The following UBR4 variants were observed in gnomAD, a reference collection of about 807,000 sequenced individuals.
UBR4 encodes ubiquitin protein ligase E3 component n-recognin 4, also known as E3 ubiquitin-protein ligase UBR4.
UBR4 carries 124 observed loss-of-function variants against 575.6 expected under a neutral mutation model. The observed-to-expected ratio is 0.22, with a 90% CI of 0.19 to 0.25. The LOEUF (loss-of-function observed/expected upper bound fraction) is 0.25, where lower values mean the gene tolerates loss of function less well. Among genes scored for constraint, UBR4 ranks in the 10% least tolerant of loss-of-function variants. The pLI is 1.00. For missense variants in UBR4, 4,818 were observed against 6,478.8 expected (o/e 0.74, Z 8.80); for synonymous variants, 2,455 against 2,473.7 (o/e 0.99, Z 0.22).
Position 19,113,224 on chromosome 1 carries a change from A to G in UBR4, c.11458-357T>C, listed in dbSNP as rs535427603. ...AAGGTAAACTGGATGCTCTCCTTAT[A>G]TGAGGTACCTCTGTCTATGGCCAGC... is the stretch of plus-strand genomic sequence containing the variant. On this transcript the variant is annotated intron_variant, in intron 77 of 105. Coordinates refer to ENST00000375254, the MANE Select transcript of UBR4 (RefSeq NM_020765.3). 20 of 287,924 alleles carry G rather than the reference A, an allele frequency of 6.9e-5. No homozygotes were observed. The East Asian group carries it at 1.7e-3, about 24-fold the overall frequency. 17.8% of individuals were successfully genotyped at this position (287,924 alleles called of 1,614,324 possible).
At position 19,173,382 on chromosome 1, in the gene UBR4, C is replaced by T. The variant is rs973891015; in HGVS notation, c.3165+57G>A. 2.5e-6 allele frequency: 4 copies of T among 1,611,442 alleles called. No individual in the cohort carries two copies. In the Admixed American group the frequency reaches 6.7e-5, roughly 27 times the overall value. On this transcript the variant is annotated intron_variant, in intron 23 of 105. Coordinates refer to ENST00000375254, the MANE Select transcript of UBR4 (RefSeq NM_020765.3). The stretch of plus-strand genomic sequence containing the variant: ...TTCATTATCTTCAAATTTAAAAGCT[C>T]CAGTAAGCACAAAGCACTTTGGCTT...
rs2077733913 is a variant in UBR4 at position 19,093,581 on chromosome 1, G to C, written c.13938-95C>G. 11 of 1,363,754 alleles carry C rather than the reference G, an allele frequency of 8.1e-6. No individual in the cohort carries two copies. Among genetic ancestry groups the C allele is most frequent in the Non-Finnish European group, 1.1e-5 (11 of 992,246 alleles). 84.5% of individuals were successfully genotyped at this position (1,363,754 alleles called of 1,614,324 possible). On this transcript the variant is annotated intron_variant, in intron 95 of 105. Coordinates refer to ENST00000375254, the MANE Select transcript of UBR4 (RefSeq NM_020765.3). This position sits in a 1 kb window ranked among gnomAD's most constrained non-coding sequence, Gnocchi z 4.8. The stretch of plus-strand genomic sequence containing the variant: ...TAACAACTGTCAACAGCCTATAGAA[G>C]ATCAAGGCTAAATTCCCTAACGTGA...
chr1:19,086,538 GAC>G, intron 100 of UBR4, 139 bp downstream of exon 100: 1 of 1,282,990 alleles, frequency 7.8e-7, no homozygotes, highest in Non-Finnish European at 1.1e-6. Context: ...ACTGCTTGGG[GAC>G]CTATATGGTG....
Position 19,153,274 on chromosome 1 carries a change from C to T in UBR4, c.6832+27G>A, listed in dbSNP as rs550535024. Reference sequence around the variant, plus strand: ...TAGAAGACCACCATTCCTACTCCCCCACAAGTCATCTGAGAAGGAGCCTTA... The same window carrying T: ...TAGAAGACCACCATTCCTACTCCCCTACAAGTCATCTGAGAAGGAGCCTTA... On this transcript the variant is annotated intron_variant, in intron 46 of 105. Coordinates refer to ENST00000375254, the MANE Select transcript of UBR4 (RefSeq NM_020765.3). The surrounding 1 kb of genome is among the most constrained non-coding windows in gnomAD (Gnocchi z 4.1). 3 of 1,612,828 alleles carry T rather than the reference C, an allele frequency of 1.9e-6. No homozygotes were observed. The highest frequency in any genetic ancestry group is 2.5e-6 in the Non-Finnish European group (3 of 1,178,984).
chr1:19,158,339 C>A (rs1285544480), intron 39 of UBR4, among the ~76,000 whole-genome samples: 1 of 152,206 alleles, frequency 6.6e-6, no homozygotes, highest in African/African-American at 2.4e-5. Context: ...TATGGGCCCC[C>A]AACCCAAGTA....
rs769172132 is a variant in UBR4 at position 19,086,668 on chromosome 1, C to T, written c.14687+11G>A. 6.2e-7 allele frequency: 1 copy of T among 1,613,380 alleles called. No homozygotes were observed. Among genetic ancestry groups the T allele is most frequent in the Non-Finnish European group, 8.5e-7 (1 of 1,179,720 alleles). The stretch of plus-strand genomic sequence containing the variant: ...TACTGAAGGAGCCATTCCGCAAGAG[C>T]CAGGGCCTACCTGACGGCAGCCAGA... On this transcript the variant is annotated intron_variant, in intron 100 of 105. Transcript: ENST00000375254.
Position 19,139,067 on chromosome 1 carries a change from C to T in UBR4, c.8731+16G>A, listed in dbSNP as rs201548897. On this transcript the variant is annotated intron_variant, in intron 59 of 105. Coordinates refer to ENST00000375254, the MANE Select transcript of UBR4 (RefSeq NM_020765.3). This position sits in a 1 kb window ranked among gnomAD's most constrained non-coding sequence, Gnocchi z 4.2. The stretch of plus-strand genomic sequence containing the variant: ...CCTCTGCCCAAGGAGACAGGACCCC[C>T]GCCATGGCACATTACCACTGTGCTC... 48 of 1,600,344 alleles carry T rather than the reference C, an allele frequency of 3.0e-5. No homozygotes were observed. In the Admixed American group the frequency reaches 3.4e-4, roughly 11 times the overall value.
At chr1:19,156,237 C>T in intron 42 of UBR4, 34 bp downstream of exon 42, 1 of 1,607,750 alleles carries the variant, frequency 6.2e-7, no homozygotes, top group Non-Finnish European at 8.5e-7. Flanking sequence ...TAGAAAAATT[C>T]TAGGACCATA....
chr1:19,147,986 C>T lies in UBR4; in HGVS notation c.7629+7G>A, dbSNP rs112082204. The T allele has an allele frequency of 1.2e-6, 2 of 1,610,986 alleles. No homozygotes were observed. The highest frequency in any genetic ancestry group is 2.2e-5 in the East Asian group (1 of 44,824). Reference sequence around the variant, plus strand: ...CTGCAATTTCCTTTCCCTGAGAGAACAGTTACCTTGTGGCTGTGGTAGGCC... The same window carrying T: ...CTGCAATTTCCTTTCCCTGAGAGAATAGTTACCTTGTGGCTGTGGTAGGCC... On this transcript the variant is annotated splice_region_variant and intron_variant, in intron 51 of 105. Coordinates refer to ENST00000375254, the MANE Select transcript of UBR4 (RefSeq NM_020765.3).
At chr1:19,125,223 T>A (rs2081593085) in intron 64 of UBR4, among the ~76,000 whole-genome samples, 1 of 152,244 alleles carries the variant, frequency 6.6e-6, no homozygotes, top group Admixed American at 6.5e-5. Flanking sequence ...ACAGCTATCC[T>A]GCAAGCTGTG....
Position 19,162,556 on chromosome 1 carries a change from G to C in UBR4, c.4820C>G (p.Thr1607Arg), listed in dbSNP as rs772469970. ...CHIMSYLADV[T>R]NALSQSNGQG... Reference sequence around the variant, plus strand: ...ACCATTACTCTGGCTCAGGGCATTCGTGACATCAGCCAAGTAAGACATGAT... The same window carrying C: ...ACCATTACTCTGGCTCAGGGCATTCCTGACATCAGCCAAGTAAGACATGAT... The change falls in exon 35 of 106, where the codon ACG becomes AGG. Residue 1607 changes from threonine (T) to arginine (R), a missense_variant. Physicochemically the swap from Thr to Arg is moderately conservative, Grantham distance 71. This residue lies in a region of UBR4 where 1,172 missense variants were observed against 1,259.7 expected (regional missense o/e 0.93). Transcript: ENST00000375254. The C allele has an allele frequency of 1.2e-6, 2 of 1,614,078 alleles. No homozygotes were observed. The highest frequency in any genetic ancestry group is 1.1e-5 in the South Asian group (1 of 91,076).
At position 19,123,583 on chromosome 1, in the gene UBR4, A is replaced by G. The variant is rs556689750; in HGVS notation, c.9589-523T>C. On this transcript the variant is annotated intron_variant, in intron 65 of 105. Coordinates refer to ENST00000375254, the MANE Select transcript of UBR4 (RefSeq NM_020765.3). ...GAAAGAAAGGGAGAGAAAGAAATCA[A>G]AGAGGAAAATACCAATATTCATGCA... Among the ~76,000 whole-genome samples, 22 of 152,300 alleles carry G rather than the reference A, an allele frequency of 1.4e-4. 2 individuals are homozygous for G. The South Asian group carries it at 3.9e-3, about 27-fold the overall frequency.
At chr1:19,175,507 A>C (rs543704985) in intron 20 of UBR4, among the ~76,000 whole-genome samples, 2 of 152,328 alleles carry the variant, frequency 1.3e-5, no homozygotes, top group African/African-American at 4.8e-5. Context: ...AACATCTAAT[A>C]ATCCTCAGGG....
At chr1:19,085,181 C>T (rs568875773) in intron 101 of UBR4, among the ~76,000 whole-genome samples, 25 of 152,328 alleles carry the variant, frequency 1.6e-4, no homozygotes, top group Middle Eastern at 3.4e-3. Flanking sequence ...TGGGTGACCT[C>T]GAGCAAGTTG....
At chr1:19,087,059 G>A (rs552601068) in intron 99 of UBR4, among the ~76,000 whole-genome samples, 4 of 152,368 alleles carry the variant, frequency 2.6e-5, no homozygotes, top group East Asian at 1.9e-4. Context: ...AAGGGGATGC[G>A]GTGCAGATGC....
intron 32 of UBR4, among the ~76,000 whole-genome samples, 165 bp from the exon 33 acceptor site, chr1:19,164,606 C>T (rs551458546): frequency 2.0e-5 from 3 of 152,302 alleles, no homozygotes; most frequent in East Asian, 3.9e-4. Flanking sequence ...TTGTAACTGA[C>T]AGGCCAAGTC....
In UBR4 at chr1:19,116,213, G is replaced by C. The variant is rs191344241; in HGVS notation, c.10824-576C>G. On this transcript the variant is annotated intron_variant, in intron 73 of 105. Transcript: ENST00000375254. Reference sequence around the variant, plus strand: ...TAACTCATTTAATCCTTAAACCCTGGAAGTGGGGTCCTACCTCCATTTTAT... The same window carrying C: ...TAACTCATTTAATCCTTAAACCCTGCAAGTGGGGTCCTACCTCCATTTTAT... Among the ~76,000 whole-genome samples the C allele has an allele frequency of 2.0e-5, 3 of 152,306 alleles. No homozygotes were observed. The East Asian group carries it at 5.8e-4, about 29-fold the overall frequency.
chr1:19,193,512 G>A lies in UBR4; in HGVS notation c.1064C>T (p.Ala355Val), dbSNP rs1364360021. The change falls in exon 9 of 106, where the codon GCC (alanine) becomes GTC (valine). Residue 355 changes from alanine (A) to valine (V), a missense_variant. Coordinates refer to ENST00000375254, the MANE Select transcript of UBR4 (RefSeq NM_020765.3). ...CGTGGACCCTGTCCGCACTTGCTGG[G>A]CACTACCCACATGGAGGATGGCCAT... ...TCMAILHVGSAQQVRTGSTSS... is the reference protein window; with the variant it reads ...TCMAILHVGSVQQVRTGSTSS... The A allele has an allele frequency of 1.2e-5, 20 of 1,613,920 alleles. No individual in the cohort carries two copies. Among genetic ancestry groups the A allele is most frequent in the Non-Finnish European group, 1.6e-5 (19 of 1,180,008 alleles).
intron 66 of UBR4, 111 bp downstream of exon 66, chr1:19,122,722 C>A: frequency 8.3e-7 from 1 of 1,208,184 alleles, no homozygotes; most frequent in Non-Finnish European, 1.2e-6. Flanking sequence ...CTAACCATGC[C>A]ATTGTCAACA....
Sources: gnomAD v4.1 joint callset for allele counts (sites outside exome capture counted in the v4.1 genomes callset) on GRCh38, gnomAD v4.1.1 for gene constraint, gnomAD v4.1.1 regional missense constraint, Gnocchi (gnomAD v3.1) non-coding constraint, MANE v1.5 for transcripts, NCBI Gene and HGNC (gene_info 2026-07-23, HGNC 2026-07-21) for gene names.